The following RETREG1 variants were observed in gnomAD, a reference collection of about 807,000 sequenced individuals.
RETREG1 encodes family with sequence similarity 134 member B.
A neutral mutation model predicts 54.8 loss-of-function variants in RETREG1; 44 were observed. The ratio of observed to expected loss-of-function variants is 0.80; its 90% CI spans 0.63 to 1.03. RETREG1 has a LOEUF of 1.03. RETREG1 is among the 50% of genes least tolerant of loss of function. RETREG1 has a pLI of 0.00. For missense variants in RETREG1, 554 were observed against 605.1 expected (o/e 0.92, Z 0.89); for synonymous variants, 217 against 238.5 (o/e 0.91, Z 0.83).
rs910973014 is a variant in RETREG1, at chr5:16,475,051, C to A, written c.1184G>T (p.Gly395Val). ...RPSKETQSAAGLTLPLNSDQT... is the reference protein window; with the variant it reads ...RPSKETQSAAVLTLPLNSDQT... ...GTCACTGTTCAGAGGAAGGGTGAGA[C>A]CAGCTGCTGATTGCGTCTCTTTGCT... The change falls in exon 9 of 9, where the codon GGT becomes GTT. Residue 395 changes from glycine (G) to valine (V), a missense_variant. Gly to Val is a moderately radical substitution (Grantham distance 109). Coordinates refer to ENST00000306320, the MANE Select transcript of RETREG1 (RefSeq NM_001034850.3). 29 of 1,613,764 alleles carry A rather than the reference C, an allele frequency of 1.8e-5. No individual in the cohort carries two copies. The highest frequency in any genetic ancestry group is 2.4e-5 in the Non-Finnish European group (28 of 1,179,898).
At chr5:16,579,885 G>A (rs1180788890) in intron 1 of RETREG1, among the ~76,000 whole-genome samples, 1 of 152,048 alleles carries the variant, frequency 6.6e-6, no homozygotes, top group East Asian at 1.9e-4. Flanking sequence ...TCCAATTTTT[G>A]GCAATTATGA....
chr5:16,584,328 G>T (rs1742570916), intron 1 of RETREG1, among the ~76,000 whole-genome samples: 2 of 152,074 alleles, frequency 1.3e-5, no homozygotes, highest in African/African-American at 4.8e-5. Context: ...CAGAATCACT[G>T]AATATGAAAT....
At chr5:16,581,542 CACACACACACACACACACACACAAA>C (rs1458432218) in intron 1 of RETREG1, among the ~76,000 whole-genome samples, 117 of 149,770 alleles carry the variant, frequency 7.8e-4, no homozygotes, top group Middle Eastern at 6.8e-3. Context: ...CACACACACA[CACACACACACACACACACACACAAA>C]ACACACACAC....
intron 3 of RETREG1, among the ~76,000 whole-genome samples, chr5:16,524,432 A>G (rs1240951): frequency 0.87 from 132,422 of 152,136 alleles, 57,758 homozygotes; most frequent in African/African-American, 0.92. Flanking sequence ...TTCCTATTTC[A>G]AGTACTAGAG....
chr5:16,600,871 C>T lies in RETREG1; in HGVS notation c.320+15781G>A, dbSNP rs551335490. On this transcript the variant is annotated intron_variant, in intron 1 of 8. Coordinates refer to ENST00000306320, the MANE Select transcript of RETREG1 (RefSeq NM_001034850.3). Reference sequence around the variant, plus strand: ...AGAAAAATCTAAGAATCAAAACAAACGCATCTAAAAGGAAAAAAAATCAAA... The same window carrying T: ...AGAAAAATCTAAGAATCAAAACAAATGCATCTAAAAGGAAAAAAAATCAAA... Among the ~76,000 whole-genome samples the T allele has an allele frequency of 5.9e-5, 9 of 151,946 alleles. No individual in the cohort carries two copies. In the East Asian group the frequency reaches 9.7e-4, roughly 16 times the overall value.
intron 1 of RETREG1, among the ~76,000 whole-genome samples, chr5:16,604,560 G>A (rs147418278): frequency 3.9e-5 from 6 of 152,316 alleles, no homozygotes; most frequent in African/African-American, 1.2e-4. Flanking sequence ...GGAAGTCCAC[G>A]TGGCCACAAC....
At chr5:16,580,324 T>C (rs1233757402) in intron 1 of RETREG1, among the ~76,000 whole-genome samples, 1 of 152,228 alleles carries the variant, frequency 6.6e-6, no homozygotes, top group Non-Finnish European at 1.5e-5. Context: ...CACTATGTGC[T>C]TGCCCATATC....
intron 3 of RETREG1, among the ~76,000 whole-genome samples, chr5:16,501,939 A>G (rs1739733346): frequency 6.7e-6 from 1 of 149,706 alleles, no homozygotes; most frequent in African/African-American, 2.5e-5. Flanking sequence ...TTTTATAACT[A>G]TAAATATTAA....
chr5:16,516,626 C>T (rs1740364758), intron 3 of RETREG1, among the ~76,000 whole-genome samples: 1 of 152,150 alleles, frequency 6.6e-6, no homozygotes, highest in South Asian at 2.1e-4. Context: ...GGAGACTGGC[C>T]AGGTCTGTGA....
intron 3 of RETREG1, chr5:16,508,618 C>A (rs1477976894): frequency 3.1e-6 from 5 of 1,614,008 alleles, no homozygotes; most frequent in Non-Finnish European, 4.2e-6. Context: ...GGCATTTCTG[C>A]CCTTTAAAAA....
chr5:16,611,442 A>T (rs1332226749), intron 1 of RETREG1, among the ~76,000 whole-genome samples: 1 of 152,218 alleles, frequency 6.6e-6, no homozygotes, highest in Admixed American at 6.5e-5. Context: ...CTGCAGATGT[A>T]ACATGCCCAA....
At chr5:16,487,592 C>CA (rs1395284876) in intron 3 of RETREG1, among the ~76,000 whole-genome samples, 1 of 152,162 alleles carries the variant, frequency 6.6e-6, no homozygotes, top group African/African-American at 2.4e-5. Context: ...AAATGACTCC[C>CA]AAAAAAGCCC....
Position 16,474,256 on chromosome 5 carries a change from G to A in RETREG1, c.*485C>T, listed in dbSNP as rs1025820659. The A allele has an allele frequency of 8.4e-5, 13 of 155,248 alleles. No individual in the cohort carries two copies. The highest frequency in any genetic ancestry group is 1.6e-4 in the Non-Finnish European group (11 of 70,564). 9.6% of individuals were successfully genotyped at this position (155,248 alleles called of 1,614,324 possible). On this transcript the variant is annotated 3_prime_UTR_variant, in exon 9 of 9. Coordinates refer to ENST00000306320, the MANE Select transcript of RETREG1 (RefSeq NM_001034850.3). ...TCAACTAAGATACCTTGATAATTTC[G>A]GTCTTTTTTACATCAAAATCTATCC...
At chr5:16,525,679 T>C (rs1740693643) in intron 3 of RETREG1, among the ~76,000 whole-genome samples, 1 of 152,086 alleles carries the variant, frequency 6.6e-6, no homozygotes, top group South Asian at 2.1e-4. Flanking sequence ...AACTGGGGGA[T>C]AGAGACTCGG....
intron 3 of RETREG1, among the ~76,000 whole-genome samples, chr5:16,500,699 A>T (rs1466269801): frequency 6.6e-6 from 1 of 152,210 alleles, no homozygotes; most frequent in Non-Finnish European, 1.5e-5. Flanking sequence ...CACTGGGCAG[A>T]CATCCTTGCT....
chr5:16,616,975 C>T lies in RETREG1; in HGVS notation c.-4G>A. 2.1e-6 allele frequency: 3 copies of T among 1,409,008 alleles called. No individual in the cohort carries two copies. The highest frequency in any genetic ancestry group is 2.8e-6 in the Non-Finnish European group (3 of 1,083,570). 87.3% of individuals were successfully genotyped at this position (1,409,008 alleles called of 1,614,324 possible). A position where few individuals can be genotyped will look rare whatever the true frequency, so the allele number is the denominator to read the frequency against. On this transcript the variant is annotated 5_prime_UTR_variant, in exon 1 of 9. Transcript: ENST00000306320. ...CCGGAGGCGCCGGGCTCGCCATCTTCAGCTGTGCTTCCAGACAGGGACGGG... is the reference window on the plus strand; with the variant it reads ...CCGGAGGCGCCGGGCTCGCCATCTTTAGCTGTGCTTCCAGACAGGGACGGG...
chr5:16,486,140 T>C (rs977012055), intron 3 of RETREG1, among the ~76,000 whole-genome samples: 5 of 152,144 alleles, frequency 3.3e-5, no homozygotes, highest in African/African-American at 1.2e-4. Flanking sequence ...CAAACAGAAA[T>C]GAGAAATTCA....
Position 16,594,450 on chromosome 5 carries a change from C to T in RETREG1, c.320+22202G>A, listed in dbSNP as rs149720501. Among the ~76,000 whole-genome samples, 271 of 152,176 alleles carry T rather than the reference C, an allele frequency of 1.8e-3. No individual in the cohort carries two copies. Among genetic ancestry groups the T allele is most frequent in the African/African-American group, 6.1e-3 (254 of 41,522 alleles). On this transcript the variant is annotated intron_variant, in intron 1 of 8. Transcript: ENST00000306320. This position sits in a 1 kb window ranked among gnomAD's most constrained non-coding sequence, Gnocchi z 4.4. Reference sequence around the variant, plus strand: ...CTTAACATAGCATTTTTCAGTTGGGCGTGGTGGCTCACACCTATAATCCGT... The same window carrying T: ...CTTAACATAGCATTTTTCAGTTGGGTGTGGTGGCTCACACCTATAATCCGT...
chr5:16,540,249 A>G (rs541754940), intron 3 of RETREG1, among the ~76,000 whole-genome samples: 83 of 152,358 alleles, frequency 5.4e-4, no homozygotes, highest in Non-Finnish European at 1.1e-3. Context: ...AATGATCTCT[A>G]TCCTATTGAT....
Sources: allele counts gnomAD v4.1 joint callset (sites outside exome capture counted in the v4.1 genomes callset), GRCh38; gene constraint gnomAD v4.1.1; non-coding constraint Gnocchi (gnomAD v3.1); transcripts MANE v1.5; gene names NCBI Gene and HGNC (gene_info 2026-07-23, HGNC 2026-07-21).